The following VAMP7 variants were observed in gnomAD, a reference collection of about 807,000 sequenced individuals.
VAMP7 encodes the protein vesicle associated membrane protein 7, also known as vesicle-associated membrane protein 7.
VAMP7 carries 14 observed loss-of-function variants against 29.6 expected under a neutral mutation model. That is an observed-to-expected ratio of 0.47 (90% confidence interval 0.31 to 0.74). The LOEUF is 0.74. Among genes scored for constraint, VAMP7 ranks in the 30% least tolerant of loss-of-function variants. The pLI, the probability that VAMP7 is intolerant of heterozygous loss-of-function variation, is 0.05. For synonymous variants in VAMP7, 95 were observed against 88.1 expected (o/e 1.08, Z -0.44); for missense variants, 223 against 262.4 (o/e 0.85, Z 1.04).
In VAMP7 at chrX:155,902,616, A is replaced by G. The variant is rs915753043; in HGVS notation, c.433+2029A>G. Among the ~76,000 whole-genome samples, 119 of 152,088 alleles carry G rather than the reference A, an allele frequency of 7.8e-4. 1 individual carries two copies. Among genetic ancestry groups the G allele is most frequent in the African/African-American group, 2.6e-3 (109 of 41,488 alleles). The stretch of plus-strand genomic sequence containing the variant: ...TTTGTCAAAGGCCTTTTCTGCATCT[A>G]TTGAGATAATCATGTGGTTTTTGTC... On this transcript the variant is annotated intron_variant, in intron 5 of 7. Coordinates refer to ENST00000286448, the MANE Select transcript of VAMP7 (RefSeq NM_005638.6).
At chrX:155,929,496 G>C (rs1353437003) in intron 6 of VAMP7, among the ~76,000 whole-genome samples, 1 of 152,140 alleles carries the variant, frequency 6.6e-6, no homozygotes. Context: ...CCATACTCAT[G>C]TCTTCTGGGC....
intron 7 of VAMP7, 22 bp downstream of exon 7, chrX:155,939,815 G>A (rs747987222): frequency 7.7e-6 from 12 of 1,560,866 alleles, no homozygotes; most frequent in Non-Finnish European, 1.1e-5. Context: ...TCCTTTTAGT[G>A]TATGGCTTTA....
At chrX:155,920,966 T>A (rs1224111713) in intron 6 of VAMP7, among the ~76,000 whole-genome samples, 3 of 152,114 alleles carry the variant, frequency 2.0e-5, no homozygotes, top group Non-Finnish European at 4.4e-5. Flanking sequence ...ATACAGGAAG[T>A]CAAAACACCT....
At chrX:155,891,782 A>G (rs181718210) in intron 2 of VAMP7, among the ~76,000 whole-genome samples, 1 of 152,348 alleles carries the variant, frequency 6.6e-6, no homozygotes, top group African/African-American at 2.4e-5. Context: ...CCAAAATGGT[A>G]GTTAGAGAGT....
intron 6 of VAMP7, among the ~76,000 whole-genome samples, chrX:155,924,420 A>G (rs996613217): frequency 1.3e-5 from 2 of 151,980 alleles, no homozygotes; most frequent in Non-Finnish European, 1.5e-5. Flanking sequence ...CTTAACAAAA[A>G]CTCTGTAACC....
At chrX:155,940,925 G>C (rs1274279783) in intron 7 of VAMP7, among the ~76,000 whole-genome samples, 1 of 152,074 alleles carries the variant, frequency 6.6e-6, no homozygotes, top group Non-Finnish European at 1.5e-5. Flanking sequence ...GCTCACTTTT[G>C]GAGCAAAGGG....
chrX:155,899,643 A>G (rs1277079333), intron 4 of VAMP7, among the ~76,000 whole-genome samples: 1 of 151,914 alleles, frequency 6.6e-6, no homozygotes. Flanking sequence ...TTTGTTTCAT[A>G]CTCCCCACTA....
chrX:155,900,557 G>A lies in VAMP7; in HGVS notation c.403G>A (p.Glu135Lys). Residue 135 changes from glutamate to lysine, a missense_variant, in exon 5 of 8, where the codon GAA becomes AAA. Glu to Lys is a moderately conservative substitution (Grantham distance 56). Coordinates refer to ENST00000286448, the MANE Select transcript of VAMP7 (RefSeq NM_005638.6). Reference sequence around the variant, plus strand: ...GATGGAGACTCAAGCCCAAGTGGATGAACTGAAAGGAATCATGGTCAGAAA... The same window carrying A: ...GATGGAGACTCAAGCCCAAGTGGATAAACTGAAAGGAATCATGGTCAGAAA... ...KVMETQAQVDELKGIMVRNID... is the reference protein window; with the variant it reads ...KVMETQAQVDKLKGIMVRNID... The A allele has an allele frequency of 6.2e-7, 1 of 1,610,068 alleles. No homozygotes were observed. Among genetic ancestry groups the A allele is most frequent in the Middle Eastern group, 1.7e-4 (1 of 6,044 alleles).
chrX:155,918,025 G>C (rs2066337708), intron 5 of VAMP7, among the ~76,000 whole-genome samples: 1 of 152,130 alleles, frequency 6.6e-6, no homozygotes, highest in African/African-American at 2.4e-5. Context: ...GGAATCTAGA[G>C]AGGCAGTCTG....
chrX:155,938,020 T>C (rs1321881996), intron 6 of VAMP7, among the ~76,000 whole-genome samples: 4 of 152,194 alleles, frequency 2.6e-5, no homozygotes, highest in Non-Finnish European at 4.4e-5. Flanking sequence ...TATTAAAATA[T>C]AGTTTTTGGA....
intron 5 of VAMP7, among the ~76,000 whole-genome samples, chrX:155,911,034 C>T (rs760986787): frequency 6.6e-6 from 1 of 151,994 alleles, no homozygotes; most frequent in Non-Finnish European, 1.5e-5. Context: ...TGAAGTGTTT[C>T]CCCTATGTTT....
chrX:155,909,267 C>T (rs1236143246), intron 5 of VAMP7, among the ~76,000 whole-genome samples: 1 of 152,152 alleles, frequency 6.6e-6, no homozygotes, highest in African/African-American at 2.4e-5. Flanking sequence ...TATTTACACA[C>T]TCCTGTTTAT....
At chrX:155,927,763 C>A (rs1226226956) in intron 6 of VAMP7, among the ~76,000 whole-genome samples, 4 of 106,098 alleles carry the variant, frequency 3.8e-5, no homozygotes, top group Admixed American at 1.0e-4. Context: ...TTCACAATGG[C>A]AGTTTTTTTT....
intron 2 of VAMP7, among the ~76,000 whole-genome samples, chrX:155,895,309 C>T (rs185524774): frequency 2.8e-3 from 433 of 152,272 alleles, no homozygotes; most frequent in African/African-American, 0.01. Context: ...TAATTACATC[C>T]TCCTCCTAAG....
chrX:155,906,288 G>A (rs2066146004), intron 5 of VAMP7, among the ~76,000 whole-genome samples: 1 of 152,110 alleles, frequency 6.6e-6, no homozygotes, highest in South Asian at 2.1e-4. Flanking sequence ...GCTTTTAGCA[G>A]GAATCCTGTT....
chrX:155,911,871 G>T (rs1286569290), intron 5 of VAMP7, among the ~76,000 whole-genome samples: 1 of 151,970 alleles, frequency 6.6e-6, no homozygotes, highest in Non-Finnish European at 1.5e-5. Context: ...GAGTCTTTGG[G>T]TCTTTTAGAC....
chrX:155,923,756 A>G (rs2066429223), intron 6 of VAMP7, among the ~76,000 whole-genome samples: 1 of 152,178 alleles, frequency 6.6e-6, no homozygotes, highest in African/African-American at 2.4e-5. Flanking sequence ...TGACATCTGT[A>G]TTAAGCCACT....
intron 2 of VAMP7, among the ~76,000 whole-genome samples, chrX:155,893,635 C>T (rs951735752): frequency 1.3e-5 from 2 of 152,134 alleles, no homozygotes; most frequent in African/African-American, 4.8e-5. Context: ...CAGATGGCCA[C>T]CTTCTTGCTG....
At chrX:155,920,591 G>A (rs761276347) in intron 6 of VAMP7, among the ~76,000 whole-genome samples, 4 of 152,312 alleles carry the variant, frequency 2.6e-5, no homozygotes, top group African/African-American at 9.6e-5. Context: ...CTGGATTGTA[G>A]TGGTTAAGAA....
Sources: gnomAD v4.1 joint callset for allele counts (sites outside exome capture counted in the v4.1 genomes callset) on GRCh38, gnomAD v4.1.1 for gene constraint, MANE v1.5 for transcripts, NCBI Gene and HGNC (gene_info 2026-07-23, HGNC 2026-07-21) for gene names.